PLEKHH3: variants seen among roughly 807,000 people sequenced by gnomAD.
The protein encoded by PLEKHH3 is pleckstrin homology, MyTH4 and FERM domain containing H3.
A neutral mutation model predicts 77.8 loss-of-function variants in PLEKHH3; 57 were observed. That is an observed-to-expected ratio of 0.73 (90% CI 0.59 to 0.91). The LOEUF is 0.91. Among genes scored for constraint, PLEKHH3 ranks in the 40% least tolerant of loss-of-function variants. PLEKHH3 has a pLI of 0.00. For synonymous variants in PLEKHH3, 467 were observed against 504.8 expected, an observed-to-expected ratio of 0.93 and a Z score of 1.00; for missense variants, 1,082 against 1,091.2, an observed-to-expected ratio of 0.99 and a Z score of 0.12.
chr17:42,674,423 C>A lies in PLEKHH3; in HGVS notation c.163-14G>T, dbSNP rs771045418. 1.3e-6 allele frequency: 2 copies of A among 1,578,050 alleles called. No individual in the cohort carries two copies. Among genetic ancestry groups the A allele is most frequent in the Non-Finnish European group, 1.7e-6 (2 of 1,163,808 alleles). On this transcript the variant is annotated splice_polypyrimidine_tract_variant and intron_variant, in intron 1 of 12. Transcript: ENST00000591022. The stretch of plus-strand genomic sequence containing the variant: ...TTCCAGGGGACCCTGGGGAGACAGG[C>A]GGGGAAGCCCTCAGGGTCAGAGCCC...
intron 6 of PLEKHH3, 64 bp from the exon 7 acceptor site, chr17:42,672,456 A>C (rs1460189093): frequency 7.2e-7 from 1 of 1,398,038 alleles, no homozygotes; most frequent in Non-Finnish European, 9.4e-7. Context: ...CCCTGGGAGG[A>C]AGGCATGAAC....
chr17:42,670,672 C>A lies in PLEKHH3; in HGVS notation c.1455G>T (p.Ser485=), dbSNP rs1449688131. ...GACATAGTCTCCACCCGGAGTCGGG[C>A]GAGTCCTCCAACCCAGCTTCCTCCG... ...LAAEEAGLED[S]PDSGWRLCLR... The change falls in exon 10 of 13, where the codon TCG becomes TCT. Residue 485 remains serine (S), a synonymous_variant. Coordinates refer to ENST00000591022, the MANE Select transcript of PLEKHH3 (RefSeq NM_024927.5). 7 of 1,612,944 alleles carry A rather than the reference C, an allele frequency of 4.3e-6. No homozygotes were observed. The highest frequency in any genetic ancestry group is 5.1e-6 in the Non-Finnish European group (6 of 1,179,828).
At chr17:42,674,550 C>T (rs918401703) in intron 1 of PLEKHH3, 141 bp from the exon 2 acceptor site, 3 of 644,878 alleles carry the variant, frequency 4.7e-6, no homozygotes, top group African/African-American at 1.9e-5. Flanking sequence ...GTGGAGCACG[C>T]TGGAGCCCCT....
Position 42,673,744 on chromosome 17 carries a change from T to A in PLEKHH3, c.389A>T (p.Asp130Val), listed in dbSNP as rs1158938058. 6.3e-7 allele frequency: 1 copy of A among 1,599,520 alleles called. No homozygotes were observed. The highest frequency in any genetic ancestry group is 8.5e-7 in the Non-Finnish European group (1 of 1,179,432). The change falls in exon 4 of 13, where the codon GAT (aspartate) becomes GTT (valine). Residue 130 changes from aspartate (D) to valine (V), a missense_variant. Physicochemically the swap from Asp to Val is radical, Grantham distance 152 (BLOSUM62 -3). Transcript: ENST00000591022. ...AWFVLTRDSL[D>V]QFSSSGKGAR... ...CCCTTTCCCGCTGCTGCTGAACTGATCCAGGGAGTCCCGCGTGAGCACAAA... is the reference window on the plus strand; with the variant it reads ...CCCTTTCCCGCTGCTGCTGAACTGAACCAGGGAGTCCCGCGTGAGCACAAA...
Position 42,676,748 on chromosome 17 carries a change from G to T in PLEKHH3, c.-185C>A. 1.6e-6 allele frequency: 1 copy of T among 634,406 alleles called. No homozygotes were observed. The highest frequency in any genetic ancestry group is 2.7e-6 in the Non-Finnish European group (1 of 363,792). The allele number at this position is 634,406 out of a possible 1,614,324, so 39.3% of individuals were successfully genotyped here. ...AAGGGGACGCTAGCCAGACGCTGAG[G>T]GGGGCTCAGTGTCTGGGCCCCCGGA... is the stretch of plus-strand genomic sequence containing the variant. On this transcript the variant is annotated 5_prime_UTR_variant, in exon 1 of 13. Coordinates refer to ENST00000591022, the MANE Select transcript of PLEKHH3 (RefSeq NM_024927.5). The surrounding 1 kb of genome is among the most constrained non-coding windows in gnomAD (Gnocchi z 6.6).
In PLEKHH3 at chr17:42,674,411, T is replaced by C; in HGVS notation, c.163-2A>G. ...AGTCAGCGTCACTTCCAGGGGACCC[T>C]GGGGAGACAGGCGGGGAAGCCCTCA... is the stretch of plus-strand genomic sequence containing the variant. On this transcript the variant is annotated splice_acceptor_variant, in intron 1 of 12. Transcript: ENST00000591022. LOFTEE classifies it high-confidence loss of function. 6.3e-7 allele frequency: 1 copy of C among 1,588,396 alleles called. No homozygotes were observed. The highest frequency in any genetic ancestry group is 8.6e-7 in the Non-Finnish European group (1 of 1,168,792).
chr17:42,672,187 T>C lies in PLEKHH3; in HGVS notation c.975A>G (p.Gln325=). ...GCCAGTACCGCAGGGCCGCAGGGTCTTGGGTAGCCGGGAGCCCGGGGGGAC... is the reference window on the plus strand; with the variant it reads ...GCCAGTACCGCAGGGCCGCAGGGTCCTGGGTAGCCGGGAGCCCGGGGGGAC... The part of the protein sequence containing the change: ...PAGPPGLPAT[Q]DPAALRYWQL... The change falls in exon 7 of 13, where the codon CAA becomes CAG. Residue 325 remains glutamine, a synonymous_variant. Transcript: ENST00000591022. 6.4e-7 allele frequency: 1 copy of C among 1,551,318 alleles called. No homozygotes were observed. Among genetic ancestry groups the C allele is most frequent in the Non-Finnish European group, 8.7e-7 (1 of 1,147,136 alleles).
intron 6 of PLEKHH3, 52 bp from the exon 7 acceptor site, chr17:42,672,444 C>T (rs1410475028): frequency 1.4e-6 from 2 of 1,426,654 alleles, no homozygotes; most frequent in South Asian, 1.4e-5. Flanking sequence ...CACAGAGCTG[C>T]GCCCTGGGAG....
At position 42,676,402 on chromosome 17, in the gene PLEKHH3, C is replaced by A; in HGVS notation, c.162G>T (p.Arg54Ser). The A allele has an allele frequency of 2.5e-6, 4 of 1,613,108 alleles. No homozygotes were observed. Among genetic ancestry groups the A allele is most frequent in the Non-Finnish European group, 3.4e-6 (4 of 1,179,856 alleles). Residue 54 changes from arginine (R) to serine (S), a missense_variant and splice_region_variant, in exon 1 of 13, where the codon AGG becomes AGT. Arg to Ser is a moderately radical substitution (Grantham distance 110, BLOSUM62 -1). Transcript: ENST00000591022. This position sits in a 1 kb window ranked among gnomAD's most constrained non-coding sequence, Gnocchi z 6.6. ...LRTPSPAGGG[R>S]GPLEVTLTQP... ...GAGGCTCCGAACCCCCGGGACTTAC[C>A]CTCCCGCCGCCCGCTGGACTCGGGG... is the stretch of plus-strand genomic sequence containing the variant.
In PLEKHH3 at chr17:42,673,264, G is replaced by A. The variant is rs2052741271; in HGVS notation, c.681C>T (p.Leu227=). ...ESCGDPEAVA[L]IYLRNPILRH... is the part of the protein sequence containing the mutation. Reference sequence around the variant, plus strand: ...TCAGAATCGGGTTCCTCAGGTAAATGAGGGCAACGGCCTCTGGGTCCCCGC... The same window carrying A: ...TCAGAATCGGGTTCCTCAGGTAAATAAGGGCAACGGCCTCTGGGTCCCCGC... Residue 227 remains leucine, a synonymous_variant, in exon 6 of 13, where the codon CTC becomes CTT. Transcript: ENST00000591022. 3.8e-6 allele frequency: 6 copies of A among 1,597,324 alleles called. No individual in the cohort carries two copies. The highest frequency in any genetic ancestry group is 5.1e-6 in the Non-Finnish European group (6 of 1,174,754).
chr17:42,670,803 C>T, intron 9 of PLEKHH3, 98 bp from the exon 10 acceptor site: 1 of 1,520,760 alleles, frequency 6.6e-7, no homozygotes, highest in South Asian at 1.3e-5. Flanking sequence ...GGGGCGGGGC[C>T]TGGGCGGAGC....
At chr17:42,674,552 G>A in intron 1 of PLEKHH3, 143 bp from the exon 2 acceptor site, 2 of 638,930 alleles carry the variant, frequency 3.1e-6, no homozygotes, top group Non-Finnish European at 4.8e-6. Flanking sequence ...GGAGCACGCT[G>A]GAGCCCCTGG....
Position 42,673,924 on chromosome 17 carries a change from G to A in PLEKHH3, c.298+10C>T. ...GGGGGCCTCCAGAGTGCACTGAGGG[G>A]GGTCTCTACCTTTCACAACGATGTC... On this transcript the variant is annotated intron_variant, in intron 3 of 12. Transcript: ENST00000591022. 6.2e-7 allele frequency: 1 copy of A among 1,613,122 alleles called. No individual in the cohort carries two copies. The highest frequency in any genetic ancestry group is 8.5e-7 in the Non-Finnish European group (1 of 1,179,830).
chr17:42,676,837 G>T lies in PLEKHH3; in HGVS notation c.-274C>A. ...AGGGAGCAATGTCCGGAGCTGGGAA[G>T]TAGTGTCCGTTGGAGTGTCCAGCCC... On this transcript the variant is annotated 5_prime_UTR_variant, in exon 1 of 13. Transcript: ENST00000591022. The surrounding 1 kb of genome is among the most constrained non-coding windows in gnomAD (Gnocchi z 6.6). The T allele has an allele frequency of 1.9e-6, 1 of 519,100 alleles. No individual in the cohort carries two copies. Among genetic ancestry groups the T allele is most frequent in the East Asian group, 3.5e-5 (1 of 28,914 alleles). The allele number at this position is 519,100 out of a possible 1,614,324, so 32.2% of individuals were successfully genotyped here. A position where few individuals can be genotyped will look rare whatever the true frequency, so the allele number is the denominator to read the frequency against.
chr17:42,674,495 A>G, intron 1 of PLEKHH3, 86 bp from the exon 2 acceptor site: 1 of 1,163,520 alleles, frequency 8.6e-7, no homozygotes, highest in Non-Finnish European at 1.1e-6. Context: ...AGGGCTGCTC[A>G]GGGGATTGAG....
chr17:42,670,994 T>G lies in PLEKHH3; in HGVS notation c.1421A>C (p.Asn474Thr). The change falls in exon 9 of 13, where the codon AAC (asparagine) becomes ACC (threonine). Residue 474 changes from asparagine to threonine, a missense_variant and splice_region_variant. This residue lies in a region of PLEKHH3 where 733 missense variants were observed against 750.0 expected (regional missense o/e 0.98). Transcript: ENST00000591022. The part of the protein sequence containing the change: ...LVADVLTRFE[N>T]LAAEEAGLED... ...AGCAGGGCTGGGGCTGGACATTTAC[T>G]TCTCAAACCTGGTGAGCACGTCGGC... 6.2e-7 allele frequency: 1 copy of G among 1,608,854 alleles called. No individual in the cohort carries two copies. Among genetic ancestry groups the G allele is most frequent in the Non-Finnish European group, 8.5e-7 (1 of 1,178,646 alleles).
chr17:42,670,895 A>G, intron 9 of PLEKHH3, 99 bp downstream of exon 9: 1 of 1,550,554 alleles, frequency 6.4e-7, no homozygotes, highest in Non-Finnish European at 8.7e-7. Context: ...ACCACAGCGC[A>G]GGGCCAGGGG....
intron 12 of PLEKHH3, chr17:42,668,604 C>G (rs1046197952): frequency 2.2e-5 from 4 of 185,598 alleles, no homozygotes; most frequent in African/African-American, 4.7e-5. Flanking sequence ...ACTACAGGCG[C>G]CCGCCAACAC....
chr17:42,676,428 T>C lies in PLEKHH3; in HGVS notation c.136A>G (p.Thr46Ala). The part of the protein sequence containing the change: ...DEDEETFELR[T>A]PSPAGGGRGP... ...CTCCCGCCGCCCGCTGGACTCGGGG[T>C]CCGCAGCTCAAAGGTTTCCTCGTCC... Residue 46 changes from threonine to alanine, a missense_variant, in exon 1 of 13, where the codon ACC (threonine) becomes GCC (alanine). Physicochemically the swap from Thr to Ala is moderately conservative, Grantham distance 58. Around this residue, in one of 3 missense-constraint regions of PLEKHH3, gnomAD observed 344 missense variants for 320.8 expected, o/e 1.07. Transcript: ENST00000591022. This position sits in a 1 kb window ranked among gnomAD's most constrained non-coding sequence, Gnocchi z 6.6. The C allele has an allele frequency of 6.2e-7, 1 of 1,613,082 alleles. No individual in the cohort carries two copies. The highest frequency in any genetic ancestry group is 8.5e-7 in the Non-Finnish European group (1 of 1,179,884).
Sources: gnomAD v4.1 joint callset for allele counts on GRCh38, gnomAD v4.1.1 for gene constraint, gnomAD v4.1.1 regional missense constraint, Gnocchi (gnomAD v3.1) non-coding constraint, MANE v1.5 for transcripts, NCBI Gene and HGNC (gene_info 2026-07-23, HGNC 2026-07-21) for gene names.